Variants in DENND2B observed in about 807,000 individuals in gnomAD.
The protein encoded by DENND2B is DENN domain-containing protein 2B.
In DENND2B, 32 loss-of-function variants were observed where a neutral mutation model predicts 116.0. The observed-to-expected ratio is 0.28, with a 90% CI of 0.21 to 0.37. The LOEUF is 0.37. DENND2B is among the 10% of genes least tolerant of loss of function. DENND2B has a pLI of 1.00. For missense variants in DENND2B, 1,276 were observed against 1,477.7 expected (o/e 0.86, Z 2.24); for synonymous variants, 588 against 583.9 (o/e 1.01, Z -0.10).
intron 2 of DENND2B, among the ~76,000 whole-genome samples, chr11:8,744,322 T>G (rs1283026121): frequency 1.3e-5 from 2 of 151,670 alleles, no homozygotes; most frequent in African/African-American, 4.8e-5. Context: ...TTAGTAGAGA[T>G]GGGGTTTCTC....
chr11:8,886,950 T>A (rs2063967753), intron 1 of DENND2B, among the ~76,000 whole-genome samples: 1 of 152,116 alleles, frequency 6.6e-6, no homozygotes, highest in Non-Finnish European at 1.5e-5. Context: ...TGCCTCAGCC[T>A]CCCAAGTAGC....
intron 1 of DENND2B, among the ~76,000 whole-genome samples, chr11:8,804,365 G>A (rs2060632588): frequency 7.6e-6 from 1 of 132,234 alleles, no homozygotes; most frequent in African/African-American, 2.6e-5. Flanking sequence ...GCAGCCATAA[G>A]ACATGGGGAG....
chr11:8,735,396 A>G (rs2048845418), intron 2 of DENND2B, among the ~76,000 whole-genome samples: 1 of 152,232 alleles, frequency 6.6e-6, no homozygotes, highest in Admixed American at 6.5e-5. Context: ...GAGTGCGCCC[A>G]GGGGAAACCA....
chr11:8,709,602 C>G (rs2043236206), intron 11 of DENND2B, among the ~76,000 whole-genome samples: 2 of 152,198 alleles, frequency 1.3e-5, no homozygotes. Flanking sequence ...CATGGGCATT[C>G]TACCTCCCCA....
At chr11:8,864,946 A>G (rs1178305976) in intron 2 of DENND2B, among the ~76,000 whole-genome samples, 1 of 152,222 alleles carries the variant, frequency 6.6e-6, no homozygotes, top group Non-Finnish European at 1.5e-5. Flanking sequence ...CATCAAAGAA[A>G]GAAAAAAGCC....
At chr11:8,854,260 A>T (rs1469428705) in intron 3 of DENND2B, among the ~76,000 whole-genome samples, 1 of 151,534 alleles carries the variant, frequency 6.6e-6, no homozygotes, top group Non-Finnish European at 1.5e-5. Context: ...AGAGTGCAAC[A>T]GCACAATCTC....
At chr11:8,810,126 G>C (rs1387799371) in intron 1 of DENND2B, 1 of 148,786 alleles carries the variant, frequency 6.7e-6, no homozygotes, top group African/African-American at 2.5e-5. Context: ...TCACTAGGAC[G>C]AACAAGCGGC....
chr11:8,748,318 G>A (rs1402381178), intron 2 of DENND2B, among the ~76,000 whole-genome samples: 1 of 152,220 alleles, frequency 6.6e-6, no homozygotes, highest in African/African-American at 2.4e-5. Context: ...AATCCAAGTT[G>A]TAAATACCTT....
rs1298162022 is a variant in DENND2B, at chr11:8,909,949, CTAAT to C, written c.-256+868_-256+871del. ...TGCGCTGGGTGGTGCGGCTGAGTCACTAATTAGCAGTGAGAGCCTGGGCTGTATC... is the reference window on the plus strand; with the variant it reads ...TGCGCTGGGTGGTGCGGCTGAGTCACTAGCAGTGAGAGCCTGGGCTGTATC... On this transcript the variant is annotated intron_variant, in intron 1 of 22. Coordinates refer to the DENND2B transcript ENST00000534127. The C allele has an allele frequency of 3.3e-5, 5 of 152,270 alleles. No homozygotes were observed. The East Asian group carries it at 9.7e-4, about 29-fold the overall frequency. 9.4% of individuals were successfully genotyped at this position (152,270 alleles called of 1,614,324 possible). A position where few individuals can be genotyped will look rare whatever the true frequency, so the allele number is the denominator to read the frequency against.
chr11:8,870,647 A>G (rs1292906640), intron 2 of DENND2B, among the ~76,000 whole-genome samples: 2 of 150,658 alleles, frequency 1.3e-5, no homozygotes, highest in East Asian at 4.0e-4. Flanking sequence ...GGACGTCCCG[A>G]GATCGGGTCT....
At chr11:8,734,221 T>G (rs2048586202) in intron 2 of DENND2B, among the ~76,000 whole-genome samples, 1 of 152,212 alleles carries the variant, frequency 6.6e-6, no homozygotes, top group Non-Finnish European at 1.5e-5. Context: ...ACTCTGAACA[T>G]CCAGTTTCAT....
In DENND2B at chr11:8,730,981, G is replaced by A. The variant is rs759198879; in HGVS notation, c.309C>T (p.Asp103=). The A allele has an allele frequency of 2.5e-6, 4 of 1,614,236 alleles. No individual in the cohort carries two copies. The highest frequency in any genetic ancestry group is 3.4e-6 in the Non-Finnish European group (4 of 1,180,044). The stretch of plus-strand genomic sequence containing the variant: ...CTCTCTTGCACGCCGAAGGGCTTCT[G>A]TCCAAATAACCGAAGCTGGCGGTCT... The part of the protein sequence containing the change: ...PFKTASFGYL[D]RSPSACKRDA... Residue 103 remains aspartate, a synonymous_variant, in exon 3 of 20, where the codon GAC becomes GAT. Coordinates refer to ENST00000313726, the MANE Select transcript of DENND2B (RefSeq NM_213618.2). The surrounding 1 kb of genome is among the most constrained non-coding windows in gnomAD (Gnocchi z 4.1).
rs546260971 is a variant in DENND2B, at chr11:8,799,184, G to A, written c.-26+11333C>T. Among the ~76,000 whole-genome samples, 9 of 152,260 alleles carry A rather than the reference G, an allele frequency of 5.9e-5. 2 individuals are homozygous for A. The South Asian group carries it at 1.9e-3, about 32-fold the overall frequency. On this transcript the variant is annotated intron_variant, in intron 1 of 19. Transcript: ENST00000313726. ...CCCCCTGGGTACTTATTAGAGTTCA[G>A]TTGACAAAACCAATAGCCCTTCTTA...
At position 8,707,693 on chromosome 11, in the gene DENND2B, T is replaced by G. The variant is rs1592473453; in HGVS notation, c.2430+84A>C. On this transcript the variant is annotated intron_variant, in intron 12 of 19. Transcript: ENST00000313726. The surrounding 1 kb of genome is among the most constrained non-coding windows in gnomAD (Gnocchi z 4.8). ...CCCGCTCGCTCACAGTCACAGGTGG[T>G]TTTCTCATCTAAGCTGGCTGCAGAT... 7.3e-7 allele frequency: 1 copy of G among 1,377,716 alleles called. No homozygotes were observed. Among genetic ancestry groups the G allele is most frequent in the Non-Finnish European group, 1.0e-6 (1 of 1,000,310 alleles). 85.3% of individuals were successfully genotyped at this position (1,377,716 alleles called of 1,614,324 possible).
At chr11:8,748,870 T>G (rs2051803756) in intron 2 of DENND2B, among the ~76,000 whole-genome samples, 1 of 152,108 alleles carries the variant, frequency 6.6e-6, no homozygotes, top group Non-Finnish European at 1.5e-5. Flanking sequence ...GAGTCTGCTT[T>G]GAAACTTGAT....
intron 2 of DENND2B, 91 bp from the exon 3 acceptor site, chr11:8,731,300 C>A: frequency 8.0e-7 from 1 of 1,256,060 alleles, no homozygotes. Context: ...TTACAGAACT[C>A]AGCATCTTTT....
chr11:8,740,604 G>GGTACCATGA (rs1410172881), intron 2 of DENND2B, among the ~76,000 whole-genome samples: 1 of 152,210 alleles, frequency 6.6e-6, no homozygotes, highest in Non-Finnish European at 1.5e-5. Flanking sequence ...CAGCCTGAGA[G>GGTACCATGA]GTACCATGAG....
At chr11:8,787,766 C>T (rs1803756942) in intron 1 of DENND2B, among the ~76,000 whole-genome samples, 1 of 152,218 alleles carries the variant, frequency 6.6e-6, no homozygotes. Flanking sequence ...TCATCTCCTT[C>T]AGTGATGATC....
intron 4 of DENND2B, 24 bp downstream of exon 4, chr11:8,726,049 G>A: frequency 6.2e-7 from 1 of 1,613,586 alleles, no homozygotes; most frequent in Non-Finnish European, 8.5e-7. Flanking sequence ...AGATGACCCA[G>A]GTGCCACCTC....
Sources: allele counts gnomAD v4.1 joint callset (sites outside exome capture counted in the v4.1 genomes callset), GRCh38; gene constraint gnomAD v4.1.1; non-coding constraint Gnocchi (gnomAD v3.1); transcripts MANE v1.5; gene names NCBI Gene and HGNC (gene_info 2026-07-23, HGNC 2026-07-21).